Variants in ALK observed in about 807,000 individuals in gnomAD.
ALK encodes the protein ALK receptor tyrosine kinase.
A neutral mutation model predicts 163.1 loss-of-function variants in ALK; 74 were observed. That is an observed-to-expected ratio of 0.45 (90% CI 0.38 to 0.55). The LOEUF is 0.55. Among genes scored for constraint, ALK ranks in the 20% least tolerant of loss-of-function variants. ALK has a pLI of 0.00. For missense variants in ALK, 2,063 were observed against 2,105.3 expected, an observed-to-expected ratio of 0.98 and a Z score of 0.39; for synonymous variants, 960 against 843.2, an observed-to-expected ratio of 1.14 and a Z score of -2.40.
intron 23 of ALK, among the ~76,000 whole-genome samples, chr2:29,216,514 T>C (rs1015870033): frequency 2.2e-4 from 33 of 152,290 alleles, no homozygotes; most frequent in African/African-American, 7.7e-4. Context: ...TATGGCCCCC[T>C]GTCCTTGGCT....
chr2:29,315,940 C>T (rs1666822387), intron 8 of ALK, among the ~76,000 whole-genome samples: 1 of 152,128 alleles, frequency 6.6e-6, no homozygotes, highest in Admixed American at 6.5e-5. Flanking sequence ...AGTCCTGTCC[C>T]CAAAACTCTG....
intron 3 of ALK, among the ~76,000 whole-genome samples, chr2:29,533,241 T>C (rs990152904): frequency 2.6e-5 from 4 of 152,196 alleles, no homozygotes; most frequent in Non-Finnish European, 5.9e-5. Context: ...AGAAAAGTGA[T>C]CTACAACTGT....
intron 4 of ALK, among the ~76,000 whole-genome samples, chr2:29,406,041 T>C (rs1365357701): frequency 1.3e-5 from 2 of 152,328 alleles, no homozygotes; most frequent in South Asian, 2.1e-4. Flanking sequence ...TAATAGATGA[T>C]GTTGATGATG....
chr2:29,242,917 A>C (rs1157988361), intron 12 of ALK, among the ~76,000 whole-genome samples: 1 of 152,192 alleles, frequency 6.6e-6, no homozygotes, highest in Non-Finnish European at 1.5e-5. Flanking sequence ...AACCCAGACA[A>C]GGGGCTGGCT....
At chr2:29,907,973 T>A (rs1235022873) in intron 1 of ALK, among the ~76,000 whole-genome samples, 1 of 152,194 alleles carries the variant, frequency 6.6e-6, no homozygotes, top group African/African-American at 2.4e-5. Flanking sequence ...TTGTTCCTCT[T>A]ATATCTGGGC....
chr2:29,436,213 C>T (rs543282700), intron 4 of ALK, among the ~76,000 whole-genome samples: 3 of 152,202 alleles, frequency 2.0e-5, no homozygotes, highest in African/African-American at 7.2e-5. Context: ...TTGAGCCTAC[C>T]GTGTGCCATG....
chr2:29,455,081 TCTTCA>T (rs773561622), intron 4 of ALK, among the ~76,000 whole-genome samples: 4 of 152,136 alleles, frequency 2.6e-5, no homozygotes, highest in Non-Finnish European at 4.4e-5. Flanking sequence ...CTAATCCAGC[TCTTCA>T]CTTCTTCGCC....
chr2:29,751,606 A>G lies in ALK; in HGVS notation c.668-33909T>C, dbSNP rs115688639. Among the ~76,000 whole-genome samples, 1,381 of 152,234 alleles carry G rather than the reference A, an allele frequency of 9.1e-3. 28 individuals are homozygous for G. The highest frequency in any genetic ancestry group is 0.03 in the African/African-American group (1,254 of 41,520). On this transcript the variant is annotated intron_variant, in intron 1 of 28. Coordinates refer to ENST00000389048, the MANE Select transcript of ALK (RefSeq NM_004304.5). ...CTTCTGCTACTCTGAGTTAATGAAT[A>G]ACACCAGGTAACTAGTTTCTGAGGC... is the stretch of plus-strand genomic sequence containing the variant.
At chr2:29,446,036 T>C (rs1267576704) in intron 4 of ALK, among the ~76,000 whole-genome samples, 1 of 127,056 alleles carries the variant, frequency 7.9e-6, no homozygotes, top group Non-Finnish European at 1.6e-5. Flanking sequence ...GAGGCGGAGC[T>C]TGCAGTGAGC....
At chr2:29,446,383 T>A (rs1670685183) in intron 4 of ALK, among the ~76,000 whole-genome samples, 1 of 152,074 alleles carries the variant, frequency 6.6e-6, no homozygotes, top group Admixed American at 6.5e-5. Context: ...TGTAGAAAAG[T>A]TCTTAACAAT....
In ALK at chr2:29,454,237, G is replaced by T. The variant is rs910936304; in HGVS notation, c.1155-70378C>A. ...TCATACACATCCCTCAGTATTTCTG[G>T]GGGATTGGTTCCAGGACCCCCCTGT... On this transcript the variant is annotated intron_variant, in intron 4 of 28. Transcript: ENST00000389048. Among the ~76,000 whole-genome samples the T allele has an allele frequency of 2.0e-5, 3 of 152,082 alleles. 1 individual carries two copies. Among genetic ancestry groups the T allele is most frequent in the East Asian group, 3.9e-4 (2 of 5,190 alleles).
intron 1 of ALK, among the ~76,000 whole-genome samples, chr2:29,855,538 A>G (rs1014528767): frequency 1.3e-5 from 2 of 152,198 alleles, no homozygotes; most frequent in African/African-American, 4.8e-5. Flanking sequence ...CCTTTAATTA[A>G]TTGGTCAACA....
At chr2:29,808,050 T>C (rs1395168360) in intron 1 of ALK, among the ~76,000 whole-genome samples, 1 of 152,250 alleles carries the variant, frequency 6.6e-6, no homozygotes, top group African/African-American at 2.4e-5. Flanking sequence ...TCTAATCTCA[T>C]TGTTTGGTTT....
At chr2:29,679,903 T>A (rs1678011320) in intron 3 of ALK, among the ~76,000 whole-genome samples, 1 of 152,000 alleles carries the variant, frequency 6.6e-6, no homozygotes, top group African/African-American at 2.4e-5. Flanking sequence ...TCTGTCTTTG[T>A]TTTTCTGGGA....
intron 7 of ALK, among the ~76,000 whole-genome samples, chr2:29,319,654 T>C (rs1666950120): frequency 6.6e-6 from 1 of 152,210 alleles, no homozygotes. Context: ...GCATGTCTGC[T>C]CTAGGAGGCA....
At chr2:29,459,638 G>A (rs1671038881) in intron 4 of ALK, among the ~76,000 whole-genome samples, 2 of 152,006 alleles carry the variant, frequency 1.3e-5, no homozygotes, top group African/African-American at 2.4e-5. Flanking sequence ...AGAGGTAGAG[G>A]ACTTTGCTTC....
At chr2:29,447,400 G>A (rs1670712901) in intron 4 of ALK, among the ~76,000 whole-genome samples, 1 of 152,198 alleles carries the variant, frequency 6.6e-6, no homozygotes, top group African/African-American at 2.4e-5. Flanking sequence ...CTACTGGCAT[G>A]TGGTGCTTTT....
At chr2:29,459,345 C>A (rs1558333832) in intron 4 of ALK, among the ~76,000 whole-genome samples, 3 of 152,114 alleles carry the variant, frequency 2.0e-5, no homozygotes, top group Admixed American at 1.3e-4. Flanking sequence ...AAACTTCAGG[C>A]AGGAATAGGG....
At chr2:29,493,986 T>C (rs1346125747) in intron 4 of ALK, among the ~76,000 whole-genome samples, 1 of 152,176 alleles carries the variant, frequency 6.6e-6, no homozygotes, top group Non-Finnish European at 1.5e-5. Flanking sequence ...CAGAAAGATA[T>C]ACTGGCTCTC....
Sources: allele counts gnomAD v4.1 joint callset (sites outside exome capture counted in the v4.1 genomes callset), GRCh38; gene constraint gnomAD v4.1.1; transcripts MANE v1.5; gene names NCBI Gene and HGNC (gene_info 2026-07-23, HGNC 2026-07-21).